Variants in BMPER observed in about 807,000 individuals in gnomAD.
BMPER encodes the protein BMP binding endothelial regulator, also known as BMP-binding endothelial regulator protein.
BMPER carries 45 observed loss-of-function variants against 87.3 expected under a neutral mutation model. The observed-to-expected ratio is 0.52, with a 90% confidence interval of 0.41 to 0.66. The LOEUF (loss-of-function observed/expected upper bound fraction) is 0.66. Ranked by LOEUF, BMPER falls within the 30% of genes least tolerant of loss-of-function variation. BMPER has a pLI of 0.00. For synonymous variants in BMPER, 326 were observed against 316.2 expected (o/e 1.03, Z -0.33); for missense variants, 784 against 867.5 (o/e 0.90, Z 1.21).
chr7:33,925,250 C>G (rs1562633652), intron 2 of BMPER, among the ~76,000 whole-genome samples: 1 of 152,180 alleles, frequency 6.6e-6, no homozygotes, highest in Non-Finnish European at 1.5e-5. Flanking sequence ...ATTTGAAGAT[C>G]TAACTATTTC....
In BMPER at chr7:33,977,804, C is replaced by T. The variant is rs532430559; in HGVS notation, c.576+3020C>T. Among the ~76,000 whole-genome samples, 46 of 152,200 alleles carry T rather than the reference C, an allele frequency of 3.0e-4. 1 individual carries two copies. Among genetic ancestry groups the T allele is most frequent in the African/African-American group, 1.1e-3 (46 of 41,534 alleles). On this transcript the variant is annotated intron_variant, in intron 6 of 14. Transcript: ENST00000649409. ...ATATATAAAAACATGCTTATAAATA[C>T]AAATGCAAACATACACATTTCTCAG... is the stretch of plus-strand genomic sequence containing the variant.
At chr7:33,921,815 C>A in intron 2 of BMPER, 1 of 470,970 alleles carries the variant, frequency 2.1e-6, no homozygotes. Flanking sequence ...ACACAAAACC[C>A]AGGGTTTTAT....
At chr7:33,939,056 G>A (rs371520022) in intron 3 of BMPER, among the ~76,000 whole-genome samples, 33 of 152,114 alleles carry the variant, frequency 2.2e-4, no homozygotes, top group African/African-American at 7.9e-4. Context: ...GACAAAAAAC[G>A]AGGACAATTG....
intron 2 of BMPER, among the ~76,000 whole-genome samples, chr7:33,918,147 T>A (rs932157859): frequency 6.6e-6 from 1 of 152,182 alleles, no homozygotes; most frequent in African/African-American, 2.4e-5. Flanking sequence ...GGCTAGGATC[T>A]TGATCTTAAT....
chr7:34,100,517 C>A (rs1314785651), intron 13 of BMPER, among the ~76,000 whole-genome samples: 1 of 152,200 alleles, frequency 6.6e-6, no homozygotes, highest in Non-Finnish European at 1.5e-5. Context: ...CCTGTGCACC[C>A]ATCCCAAAGG....
At chr7:34,140,788 T>C (rs1319553071) in intron 13 of BMPER, among the ~76,000 whole-genome samples, 4 of 152,262 alleles carry the variant, frequency 2.6e-5, no homozygotes, top group Admixed American at 2.6e-4. Flanking sequence ...TATTTGTTTA[T>C]TGTCCATGGA....
intron 6 of BMPER, among the ~76,000 whole-genome samples, chr7:33,984,077 A>G (rs1785933122): frequency 6.6e-6 from 1 of 152,188 alleles, no homozygotes; most frequent in Non-Finnish European, 1.5e-5. Flanking sequence ...TCTATAATGC[A>G]TCTCCTTACC....
chr7:34,072,960 A>T (rs1861365), intron 11 of BMPER, among the ~76,000 whole-genome samples: 29,610 of 151,822 alleles, frequency 0.2, 2,962 homozygotes, highest in Middle Eastern at 0.26. Context: ...ACTTTTCAGA[A>T]TTTTTTTTCC....
chr7:33,984,414 G>A (rs1393147224), intron 6 of BMPER, among the ~76,000 whole-genome samples: 2 of 151,916 alleles, frequency 1.3e-5, no homozygotes, highest in Admixed American at 6.6e-5. Flanking sequence ...GCAGTGAGCC[G>A]AGATCATGCC....
At chr7:34,096,466 C>T (rs190863393) in intron 13 of BMPER, among the ~76,000 whole-genome samples, 1 of 152,246 alleles carries the variant, frequency 6.6e-6, no homozygotes, top group African/African-American at 2.4e-5. Flanking sequence ...ATCAACTTGG[C>T]AAAAATTAAA....
intron 11 of BMPER, among the ~76,000 whole-genome samples, chr7:34,069,308 A>G (rs1349734849): frequency 6.6e-6 from 1 of 152,228 alleles, no homozygotes; most frequent in African/African-American, 2.4e-5. Flanking sequence ...ACATTACTAT[A>G]TGCAGAGCTG....
chr7:34,104,407 A>T (rs1789765504), intron 13 of BMPER, among the ~76,000 whole-genome samples: 2 of 152,220 alleles, frequency 1.3e-5, no homozygotes, highest in Admixed American at 1.3e-4. Context: ...AGAGGGGATG[A>T]TCAACAAAGA....
chr7:34,026,523 A>G (rs770581649), intron 6 of BMPER, among the ~76,000 whole-genome samples: 4 of 152,188 alleles, frequency 2.6e-5, no homozygotes, highest in Non-Finnish European at 4.4e-5. Flanking sequence ...TTCCTGGGTT[A>G]CTTAAAACAA....
rs189484825 is a variant in BMPER, at chr7:33,950,611, C to A, written c.319+13223C>A. Among the ~76,000 whole-genome samples, 286 of 152,196 alleles carry A rather than the reference C, an allele frequency of 1.9e-3. 1 individual carries two copies. The highest frequency in any genetic ancestry group is 6.7e-3 in the African/African-American group (280 of 41,528). ...CTTCTTTAAAGCCAGCAAGAGAGGA[C>A]CTTTATGGCTTGTAGACCCTTTTTA... On this transcript the variant is annotated intron_variant, in intron 3 of 14. Coordinates refer to ENST00000649409, the MANE Select transcript of BMPER (RefSeq NM_001365308.1).
intron 13 of BMPER, among the ~76,000 whole-genome samples, chr7:34,106,884 T>C (rs1030682593): frequency 6.6e-6 from 1 of 152,244 alleles, no homozygotes; most frequent in Non-Finnish European, 1.5e-5. Context: ...TATTCTTTTT[T>C]ACCTTTCCAA....
chr7:33,980,805 G>T (rs141430972), intron 6 of BMPER, among the ~76,000 whole-genome samples: 99 of 152,286 alleles, frequency 6.5e-4, no homozygotes, highest in African/African-American at 2.2e-3. Flanking sequence ...ATAAACATGG[G>T]TTGTTAATGG....
At chr7:34,055,453 T>C (rs1441761890) in intron 9 of BMPER, 150 bp downstream of exon 9, 15 of 982,678 alleles carry the variant, frequency 1.5e-5, no homozygotes, top group Non-Finnish European at 1.7e-5. Flanking sequence ...TGTATTTATA[T>C]TACAGTATTA....
chr7:34,082,435 A>G (rs1210320173), intron 12 of BMPER, among the ~76,000 whole-genome samples: 1 of 149,822 alleles, frequency 6.7e-6, no homozygotes, highest in Non-Finnish European at 1.5e-5. Flanking sequence ...TAGATGATAT[A>G]GCCAGACAAG....
chr7:33,984,502 C>T (rs1785949776), intron 6 of BMPER, among the ~76,000 whole-genome samples: 1 of 152,080 alleles, frequency 6.6e-6, no homozygotes, highest in Non-Finnish European at 1.5e-5. Context: ...CTTATCTCTC[C>T]ATTGCAGTGA....
Sources: allele counts gnomAD v4.1 joint callset (sites outside exome capture counted in the v4.1 genomes callset), GRCh38; gene constraint gnomAD v4.1.1; transcripts MANE v1.5; gene names NCBI Gene and HGNC (gene_info 2026-07-23, HGNC 2026-07-21).